Variants in ACTG2 observed in about 807,000 individuals in gnomAD.
ACTG2 encodes actin, gamma-enteric smooth muscle.
Under a neutral mutation model 37.6 loss-of-function variants are expected in ACTG2, and 16 were observed. The observed-to-expected ratio is 0.43, with a 90% CI of 0.29 to 0.65. The LOEUF is 0.65. ACTG2 is among the 30% of genes least tolerant of loss of function. ACTG2 has a pLI of 0.18. For synonymous variants in ACTG2, 181 were observed against 179.9 expected (o/e 1.01, Z -0.05); for missense variants, 238 against 490.9 (o/e 0.48, Z 4.87).
At chr2:73,913,170 C>CAAAAAAAA (rs58764001) in intron 5 of ACTG2, among the ~76,000 whole-genome samples, 44 of 102,384 alleles carry the variant, frequency 4.3e-4, no homozygotes, top group Admixed American at 7.1e-4. Flanking sequence ...ACTCTGTCTC[C>CAAAAAAAA]AAAAAAAAAA....
chr2:73,894,685 T>A (rs769960298), intron 1 of ACTG2, among the ~76,000 whole-genome samples: 1 of 151,504 alleles, frequency 6.6e-6, no homozygotes, highest in Non-Finnish European at 1.5e-5. Flanking sequence ...AGGGAAGACT[T>A]CCTGGAGGAA....
intron 5 of ACTG2, among the ~76,000 whole-genome samples, chr2:73,911,489 A>T (rs1479996979): frequency 6.6e-6 from 1 of 152,144 alleles, no homozygotes; most frequent in Admixed American, 6.6e-5. Context: ...ACTCAAAAAA[A>T]AAATAAAAAA....
At chr2:73,908,862 C>T (rs752307411) in intron 4 of ACTG2, 79 bp downstream of exon 4, 24 of 1,352,202 alleles carry the variant, frequency 1.8e-5, no homozygotes, top group African/African-American at 1.4e-5. Flanking sequence ...CCCCTTCAAA[C>T]ATCAGTGCAA....
rs1352779799 is a variant in ACTG2, at chr2:73,914,672, C to T, written c.614-8C>T. On this transcript the variant is annotated splice_region_variant and splice_polypyrimidine_tract_variant and intron_variant, in intron 6 of 8. Transcript: ENST00000345517. ...GTATTCACCTTCTGTCATTTCTGCT[C>T]CTTCCAGCTGAGAGAGAAATTGTGC... The T allele has an allele frequency of 1.9e-6, 3 of 1,555,798 alleles. No individual in the cohort carries two copies. Among genetic ancestry groups the T allele is most frequent in the Middle Eastern group, 1.8e-4 (1 of 5,442 alleles).
intron 3 of ACTG2, among the ~76,000 whole-genome samples, chr2:73,903,956 A>C (rs1244675726): frequency 1.1e-4 from 12 of 106,926 alleles, no homozygotes; most frequent in East Asian, 2.6e-4. Flanking sequence ...AAAAAAAAAA[A>C]AAACAAAAAA....
intron 5 of ACTG2, among the ~76,000 whole-genome samples, chr2:73,910,649 C>T (rs1309371442): frequency 6.9e-6 from 1 of 145,150 alleles, no homozygotes; most frequent in Non-Finnish European, 1.5e-5. Context: ...CAGGAGCGTG[C>T]CACCATGCCT....
chr2:73,900,290 TCTGA>T (rs1159728350), intron 1 of ACTG2, among the ~76,000 whole-genome samples: 2 of 152,210 alleles, frequency 1.3e-5, no homozygotes, highest in Admixed American at 6.5e-5. Context: ...GGAGGCAATC[TCTGA>T]CTGTCTTCCG....
chr2:73,908,961 G>T, intron 4 of ACTG2, 94 bp from the exon 5 acceptor site: 2 of 1,365,774 alleles, frequency 1.5e-6, no homozygotes, highest in Non-Finnish European at 1.0e-6. Flanking sequence ...AACTGGCATA[G>T]TTCCTGCCCT....
At chr2:73,896,347 C>CA (rs59825980) in intron 1 of ACTG2, among the ~76,000 whole-genome samples, 3,662 of 125,206 alleles carry the variant, frequency 0.029, 163 homozygotes, top group African/African-American at 0.1. Context: ...CCCAGTATCT[C>CA]AAAAAAAAAA....
In ACTG2 at chr2:73,893,016, C is replaced by T. The variant is rs1448900200; in HGVS notation, c.-72C>T. The T allele has an allele frequency of 6.6e-6, 1 of 152,194 alleles. No homozygotes were observed. 9.4% of individuals were successfully genotyped at this position (152,194 alleles called of 1,614,324 possible). A position where few individuals can be genotyped will look rare whatever the true frequency, so the allele number is the denominator to read the frequency against. On this transcript the variant is annotated 5_prime_UTR_variant, in exon 1 of 9. Transcript: ENST00000345517. ...GTATTCATGCCAAAGACACACCAGC[C>T]CTCAGTCACTGGGAGAAGAACCTCT...
intron 1 of ACTG2, among the ~76,000 whole-genome samples, chr2:73,894,791 C>A (rs975100340): frequency 6.6e-6 from 1 of 151,956 alleles, no homozygotes; most frequent in African/African-American, 2.4e-5. Context: ...CTCAATTCCA[C>A]TGAATTTAGA....
rs144601561 is a variant in ACTG2, at chr2:73,904,872, A to G, written c.255+2384A>G. Among the ~76,000 whole-genome samples the G allele has an allele frequency of 1.3e-3, 190 of 149,102 alleles. 1 individual carries two copies. Among genetic ancestry groups the G allele is most frequent in the African/African-American group, 4.6e-3 (186 of 40,628 alleles). On this transcript the variant is annotated intron_variant, in intron 3 of 8. Coordinates refer to ENST00000345517, the MANE Select transcript of ACTG2 (RefSeq NM_001615.4). The stretch of plus-strand genomic sequence containing the variant: ...GGGTAAAAGTGTCAAATGTCCTCAA[A>G]TTAATTTATAGGCTCATTGCATTCC...
chr2:73,919,436 T>G lies in ACTG2; in HGVS notation c.992T>G (p.Ile331Ser), dbSNP rs1239250122. 1.2e-6 allele frequency: 2 copies of G among 1,613,390 alleles called. No individual in the cohort carries two copies. Among genetic ancestry groups the G allele is most frequent in the Non-Finnish European group, 1.7e-6 (2 of 1,179,968 alleles). ...CACCACATTTGTTCTTTGCAGATTA[T>G]TGCTCCCCCAGAGCGGAAGTACTCA... ...LAPSTMKIKI[I>S]APPERKYSVW... The change falls in exon 9 of 9, where the codon ATT (isoleucine) becomes AGT (serine). Residue 331 changes from isoleucine to serine, a missense_variant. Transcript: ENST00000345517.
rs767675982 is a variant in ACTG2 at position 73,916,671 on chromosome 2, A to G, written c.893A>G (p.Asn298Ser). 2.3e-5 allele frequency: 37 copies of G among 1,613,972 alleles called. No individual in the cohort carries two copies. Among genetic ancestry groups the G allele is most frequent in the East Asian group, 2.2e-4 (10 of 44,868 alleles). The change falls in exon 8 of 9, where the codon AAT (asparagine) becomes AGT (serine). Residue 298 changes from asparagine to serine, a missense_variant. Transcript: ENST00000345517. The stretch of plus-strand genomic sequence containing the variant: ...ATCCGTAAGGACTTATATGCCAACA[A>G]TGTCCTCTCTGGGGGCACCACCATG... The part of the protein sequence containing the change: ...IDIRKDLYAN[N>S]VLSGGTTMYP...
chr2:73,897,218 A>C (rs1006841112), intron 1 of ACTG2: 6 of 152,276 alleles, frequency 3.9e-5, no homozygotes, highest in South Asian at 2.1e-4. Context: ...TGGAAACAAA[A>C]TTCCAGGCTC....
chr2:73,901,969 T>G (rs1679894438), intron 2 of ACTG2, among the ~76,000 whole-genome samples: 1 of 151,474 alleles, frequency 6.6e-6, no homozygotes, highest in Non-Finnish European at 1.5e-5. Context: ...ATAGCAAAGA[T>G]TTGGAGATCT....
At chr2:73,915,300 A>G (rs774868057) in intron 7 of ACTG2, among the ~76,000 whole-genome samples, 2 of 151,930 alleles carry the variant, frequency 1.3e-5, no homozygotes, top group Non-Finnish European at 2.9e-5. Context: ...CAGGCAGATC[A>G]CTTGAGCCTG....
At position 73,908,759 on chromosome 2, in the gene ACTG2, G is replaced by A. The variant is rs1680067587; in HGVS notation, c.342G>A (p.Lys114=). 3 of 1,613,700 alleles carry A rather than the reference G, an allele frequency of 1.9e-6. No individual in the cohort carries two copies. The South Asian group carries it at 3.3e-5, about 18-fold the overall frequency. Residue 114 remains lysine (K), a synonymous_variant, in exon 4 of 9, where the codon AAG becomes AAA. Coordinates refer to ENST00000345517, the MANE Select transcript of ACTG2 (RefSeq NM_001615.4). ...TCACAGAGGCTCCCCTAAATCCCAAGGCCAACAGGGAAAAGATGACCCAGG... is the reference window on the plus strand; with the variant it reads ...TCACAGAGGCTCCCCTAAATCCCAAAGCCAACAGGGAAAAGATGACCCAGG... ...TLLTEAPLNP[K]ANREKMTQIM... is the part of the protein sequence containing the mutation.
At chr2:73,913,098 G>C (rs1680176300) in intron 5 of ACTG2, among the ~76,000 whole-genome samples, 1 of 150,374 alleles carries the variant, frequency 6.7e-6, no homozygotes, top group Non-Finnish European at 1.5e-5. Flanking sequence ...GAACGTAGGA[G>C]ACAGAGGTTT....
Sources: allele counts gnomAD v4.1 joint callset (sites outside exome capture counted in the v4.1 genomes callset), GRCh38; gene constraint gnomAD v4.1.1; transcripts MANE v1.5; gene names NCBI Gene and HGNC (gene_info 2026-07-23, HGNC 2026-07-21).